Variants in GPR65 observed in about 807,000 individuals in gnomAD.
GPR65 encodes G protein-coupled receptor 65, also known as T-cell death-associated gene 8 protein.
Under a neutral mutation model 0.7 loss-of-function variants are expected in GPR65, and 2 were observed. The observed-to-expected ratio is 2.83, with a 90% confidence interval of 1.16 to 8.92. The LOEUF (loss-of-function observed/expected upper bound fraction) is 8.92. Among genes scored for constraint, GPR65 ranks in the 30% most tolerant of loss-of-function variants. The pLI, the probability that GPR65 is intolerant of heterozygous loss-of-function variation, is 0.04. For missense variants in GPR65, 379 were observed against 399.4 expected, an observed-to-expected ratio of 0.95 and a Z score of 0.43; for synonymous variants, 128 against 146.5, an observed-to-expected ratio of 0.87 and a Z score of 0.91.
chr14:88,009,883 AC>A (rs1887648858), intron 1 of GPR65, among the ~76,000 whole-genome samples: 1 of 152,248 alleles, frequency 6.6e-6, no homozygotes, highest in South Asian at 2.1e-4. Context: ...CTAAGGCTTA[AC>A]AAACTGCTAC....
chr14:88,014,010 C>G lies in GPR65; in HGVS notation c.*2149C>G, dbSNP rs5014612. Reference sequence around the variant, plus strand: ...GCCACTCCAGAAGAGCGGAGGAACCCAGGATAATATTTTGTCAACCAAGAA... The same window carrying G: ...GCCACTCCAGAAGAGCGGAGGAACCGAGGATAATATTTTGTCAACCAAGAA... On this transcript the variant is annotated 3_prime_UTR_variant, in exon 2 of 2. Transcript: ENST00000267549. 15,288 of 152,128 alleles carry G rather than the reference C, an allele frequency of 0.1. 967 individuals carry two copies. The highest frequency in any genetic ancestry group is 0.15 in the Non-Finnish European group (10,223 of 68,002). The allele number at this position is 152,128 out of a possible 1,614,324, so 9.4% of individuals were successfully genotyped here.
Position 88,012,162 on chromosome 14 carries a change from A to G in GPR65, c.*301A>G. 5.2e-6 allele frequency: 1 copy of G among 191,636 alleles called. No individual in the cohort carries two copies. The highest frequency in any genetic ancestry group is 1.1e-5 in the Non-Finnish European group (1 of 87,924). The allele number at this position is 191,636 out of a possible 1,614,324, so 11.9% of individuals were successfully genotyped here. Reference sequence around the variant, plus strand: ...TTAGAGTCAGTAAAGTATGTAGGGGACTGTTTCTTCCTTTGTGTCTGGGTT... The same window carrying G: ...TTAGAGTCAGTAAAGTATGTAGGGGGCTGTTTCTTCCTTTGTGTCTGGGTT... On this transcript the variant is annotated 3_prime_UTR_variant, in exon 2 of 2. Transcript: ENST00000267549.
intron 1 of GPR65, among the ~76,000 whole-genome samples, chr14:88,009,291 T>TC (rs1030525610): frequency 2.6e-5 from 4 of 152,110 alleles, no homozygotes; most frequent in African/African-American, 9.6e-5. Flanking sequence ...TCACAAATTT[T>TC]CCCCCCCTTT....
intron 1 of GPR65, among the ~76,000 whole-genome samples, chr14:88,006,332 G>T (rs1887593614): frequency 6.6e-6 from 1 of 152,080 alleles, no homozygotes; most frequent in Non-Finnish European, 1.5e-5. Context: ...CTTAGAAACT[G>T]GGTACTAACT....
chr14:88,014,741 T>C lies in GPR65; in HGVS notation c.*2880T>C, dbSNP rs1887739966. 6.6e-6 allele frequency: 1 copy of C among 152,142 alleles called. No homozygotes were observed. Among genetic ancestry groups the C allele is most frequent in the Non-Finnish European group, 1.5e-5 (1 of 68,008 alleles). The allele number at this position is 152,142 out of a possible 1,614,324, so 9.4% of individuals were successfully genotyped here. On this transcript the variant is annotated 3_prime_UTR_variant, in exon 2 of 2. Coordinates refer to ENST00000267549, the MANE Select transcript of GPR65 (RefSeq NM_003608.4). Reference sequence around the variant, plus strand: ...AAGGGATGAGCTAGAGAGGTCTCCATATTATCATTCAATGTGAGAATAAAA... The same window carrying C: ...AAGGGATGAGCTAGAGAGGTCTCCACATTATCATTCAATGTGAGAATAAAA...
Position 88,007,916 on chromosome 14 carries a change from T to C in GPR65, c.-459-2473T>C, listed in dbSNP as rs117674453. On this transcript the variant is annotated intron_variant, in intron 1 of 1. Transcript: ENST00000267549. ...CAAGGGGGGATCTGTGTCAACTTCT[T>C]CCAGGAGCCTAGAATTTATTTTTTC... 8.4e-3 allele frequency among the ~76,000 whole-genome samples: 1,281 copies of C among 152,010 alleles called. 42 individuals are homozygous for C. Among genetic ancestry groups the C allele is most frequent in the Admixed American group, 0.053 (805 of 15,200 alleles).
chr14:88,010,799 CTG>C lies in GPR65; in HGVS notation c.-47_-46del, dbSNP rs1887664512. 1 of 1,255,456 alleles carries C rather than the reference CTG, an allele frequency of 8.0e-7. No individual in the cohort carries two copies. Among genetic ancestry groups the C allele is most frequent in the African/African-American group, 1.5e-5 (1 of 67,054 alleles). 77.8% of individuals were successfully genotyped at this position (1,255,456 alleles called of 1,614,324 possible). On this transcript the variant is annotated 5_prime_UTR_variant, in exon 2 of 2. An upstream open reading frame in the 5' UTR gains an earlier in-frame stop. Coordinates refer to ENST00000267549, the MANE Select transcript of GPR65 (RefSeq NM_003608.4). ...CAAACTACAAAGAGACAAGACTTCT[CTG>C]TTTACTTTCTAAGAACTAATATAAT...
At chr14:88,009,130 A>G (rs1027742844) in intron 1 of GPR65, among the ~76,000 whole-genome samples, 1 of 152,120 alleles carries the variant, frequency 6.6e-6, no homozygotes, top group Non-Finnish European at 1.5e-5. Flanking sequence ...GGGATGGTCA[A>G]GGACCCCTTC....
At position 88,011,429 on chromosome 14, in the gene GPR65, AC is replaced by A. The variant is rs1243780087; in HGVS notation, c.584del (p.Pro195LeufsTer6). ...TCAGGACGTGTACAGGCTATGCAAT[AC>A]CTTTGGTCACCATCCTGATCTGCAA... ...LFRTCTGYAIPLVTILICNRK... is the reference protein window; with the variant it reads ...LFRTCTGYAIXLVTILICNRK... On this transcript the variant is annotated frameshift_variant, in exon 2 of 2. Transcript: ENST00000267549. LOFTEE classifies it low-confidence loss of function (END_TRUNC). 1 of 1,614,106 alleles carries A rather than the reference AC, an allele frequency of 6.2e-7. No individual in the cohort carries two copies. Among genetic ancestry groups the A allele is most frequent in the South Asian group, 1.1e-5 (1 of 91,088 alleles).
intron 1 of GPR65, among the ~76,000 whole-genome samples, chr14:88,009,577 G>T (rs35355673): frequency 6.6e-6 from 1 of 151,790 alleles, no homozygotes; most frequent in African/African-American, 2.4e-5. Flanking sequence ...CCATGTAAAT[G>T]ATCTCAGCCA....
rs753118671 is a variant in GPR65, at chr14:88,011,457, C to T, written c.610C>T (p.Arg204Trp). ...TTTGGTCACCATCCTGATCTGCAAC[C>T]GGAAAGTCTACCAAGCTGTGCGGCA... ...IPLVTILICNRKVYQAVRHNK... is the reference protein window; with the variant it reads ...IPLVTILICNWKVYQAVRHNK... The change falls in exon 2 of 2, where the codon CGG becomes TGG. Residue 204 changes from arginine (R) to tryptophan (W), a missense_variant. Coordinates refer to ENST00000267549, the MANE Select transcript of GPR65 (RefSeq NM_003608.4). The T allele has an allele frequency of 1.1e-5, 17 of 1,613,940 alleles. No homozygotes were observed. The South Asian group carries it at 1.6e-4, about 16-fold the overall frequency.
chr14:88,008,490 A>G (rs1887629404), intron 1 of GPR65, among the ~76,000 whole-genome samples: 1 of 152,164 alleles, frequency 6.6e-6, no homozygotes, highest in African/African-American at 2.4e-5. Context: ...TAATTTATTC[A>G]TCTTCATTGA....
chr14:88,009,418 A>G (rs748367108), intron 1 of GPR65, among the ~76,000 whole-genome samples: 1 of 151,674 alleles, frequency 6.6e-6, no homozygotes, highest in Non-Finnish European at 1.5e-5. Context: ...GAAATATGAT[A>G]TATTTTCCCA....
intron 1 of GPR65, among the ~76,000 whole-genome samples, chr14:88,009,290 T>A: frequency 6.6e-6 from 1 of 152,152 alleles, no homozygotes; most frequent in Non-Finnish European, 1.5e-5. Flanking sequence ...ATCACAAATT[T>A]TCCCCCCCTT....
At chr14:88,010,250 T>C (rs1179364598) in intron 1 of GPR65, 139 bp from the exon 2 acceptor site, 1 of 152,312 alleles carries the variant, frequency 6.6e-6, no homozygotes, top group Non-Finnish European at 1.5e-5. Context: ...TTTTCCCATT[T>C]TAAACACCTT....
intron 1 of GPR65, among the ~76,000 whole-genome samples, chr14:88,007,269 T>C (rs910632939): frequency 6.6e-6 from 1 of 152,180 alleles, no homozygotes; most frequent in Non-Finnish European, 1.5e-5. Flanking sequence ...TGAGGATTCT[T>C]CATCCATCCT....
chr14:88,011,111 A>C lies in GPR65; in HGVS notation c.264A>C (p.Lys88Asn). Reference protein sequence around the residue: ...DNWTFSPALCKGSAFLMYMNF... With the variant: ...DNWTFSPALCNGSAFLMYMNF... ...GGACTTTCTCTCCTGCCTTGTGCAAAGGGAGTGCTTTTCTCATGTACATGA... is the reference window on the plus strand; with the variant it reads ...GGACTTTCTCTCCTGCCTTGTGCAACGGGAGTGCTTTTCTCATGTACATGA... Residue 88 changes from lysine (K) to asparagine (N), a missense_variant, in exon 2 of 2, where the codon AAA becomes AAC. By Grantham distance (94) the Lys-to-Asn change is moderately conservative. Coordinates refer to ENST00000267549, the MANE Select transcript of GPR65 (RefSeq NM_003608.4). 3 of 1,614,038 alleles carry C rather than the reference A, an allele frequency of 1.9e-6. No individual in the cohort carries two copies. The highest frequency in any genetic ancestry group is 1.1e-5 in the South Asian group (1 of 91,082).
chr14:88,011,944 G>GTTT lies in GPR65; in HGVS notation c.*83_*84insTTT, dbSNP rs1887689011. 1 of 978,412 alleles carries GTTT rather than the reference G, an allele frequency of 1.0e-6. No individual in the cohort carries two copies. The highest frequency in any genetic ancestry group is 1.5e-6 in the Non-Finnish European group (1 of 649,248). The allele number at this position is 978,412 out of a possible 1,614,324, so 60.6% of individuals were successfully genotyped here. A position where few individuals can be genotyped will look rare whatever the true frequency, so the allele number is the denominator to read the frequency against. Reference sequence around the variant, plus strand: ...GATTACATTTTGAAAAGGAAATCTAGCATGTGAGGGGACTAAGTGTTCTCA... The same window carrying GTTT: ...GATTACATTTTGAAAAGGAAATCTAGTTTCATGTGAGGGGACTAAGTGTTCTCA... On this transcript the variant is annotated 3_prime_UTR_variant, in exon 2 of 2. Transcript: ENST00000267549.
Position 88,014,307 on chromosome 14 carries a change from A to G in GPR65, c.*2446A>G, listed in dbSNP as rs1435075992. 1 of 152,252 alleles carries G rather than the reference A, an allele frequency of 6.6e-6. No individual in the cohort carries two copies. Among genetic ancestry groups the G allele is most frequent in the Non-Finnish European group, 1.5e-5 (1 of 68,044 alleles). 9.4% of individuals were successfully genotyped at this position (152,252 alleles called of 1,614,324 possible). A position where few individuals can be genotyped will look rare whatever the true frequency, so the allele number is the denominator to read the frequency against. On this transcript the variant is annotated 3_prime_UTR_variant, in exon 2 of 2. Coordinates refer to ENST00000267549, the MANE Select transcript of GPR65 (RefSeq NM_003608.4). ...TATACTTATCTTACCCATGTAAGAAAAGAGTGGCCAACTTTCATATAAATA... is the reference window on the plus strand; with the variant it reads ...TATACTTATCTTACCCATGTAAGAAGAGAGTGGCCAACTTTCATATAAATA...
Sources: gnomAD v4.1 joint callset for allele counts (sites outside exome capture counted in the v4.1 genomes callset) on GRCh38, gnomAD v4.1.1 for gene constraint, MANE v1.5 for transcripts, NCBI Gene and HGNC (gene_info 2026-07-23, HGNC 2026-07-21) for gene names.